Variants in PDE10A observed in about 807,000 individuals in gnomAD.
PDE10A encodes the protein phosphodiesterase 10A, also known as cAMP and cAMP-inhibited cGMP 3',5'-cyclic phosphodiesterase 10A.
In PDE10A, 39 loss-of-function variants were observed where a neutral mutation model predicts 97.7. The ratio of observed to expected loss-of-function variants is 0.40; its 90% CI spans 0.31 to 0.52. PDE10A has a LOEUF of 0.52. PDE10A is among the 20% of genes least tolerant of loss of function. The pLI, the probability that PDE10A is intolerant of heterozygous loss-of-function variation, is 0.56. For synonymous variants in PDE10A, 371 were observed against 376.8 expected (o/e 0.98, Z 0.18); for missense variants, 731 against 1,047.8 (o/e 0.70, Z 4.17).
At chr6:165,393,491 CT>C (rs1315602966) in intron 15 of PDE10A, among the ~76,000 whole-genome samples, 1 of 151,542 alleles carries the variant, frequency 6.6e-6, no homozygotes, top group African/African-American at 2.4e-5. Flanking sequence ...TAAAACAAGG[CT>C]TTCTAAAATA....
At chr6:165,629,832 C>G (rs768441418) in intron 1 of PDE10A, among the ~76,000 whole-genome samples, 15 of 152,192 alleles carry the variant, frequency 9.9e-5, no homozygotes, top group Non-Finnish European at 8.8e-5. Context: ...CCACACGCAG[C>G]CTTAAAAACT....
intron 1 of PDE10A, among the ~76,000 whole-genome samples, chr6:165,638,184 C>A (rs1287486799): frequency 1.3e-5 from 2 of 152,146 alleles, no homozygotes. Context: ...ACCACCCTCC[C>A]CCCACCAAAA....
chr6:165,642,908 A>AT (rs57377717), intron 1 of PDE10A, among the ~76,000 whole-genome samples: 100 of 148,442 alleles, frequency 6.7e-4, no homozygotes, highest in South Asian at 1.3e-3. Context: ...ATGTTCTCAC[A>AT]TTTTTTTTTT....
At chr6:165,446,519 A>C (rs988911602) in intron 5 of PDE10A, among the ~76,000 whole-genome samples, 1 of 152,230 alleles carries the variant, frequency 6.6e-6, no homozygotes, top group East Asian at 1.9e-4. Flanking sequence ...TAGAGTGAGC[A>C]AAACACAGTA....
At chr6:165,669,168 T>G (rs1790578501) in intron 1 of PDE10A, among the ~76,000 whole-genome samples, 1 of 152,196 alleles carries the variant, frequency 6.6e-6, no homozygotes, top group African/African-American at 2.4e-5. Flanking sequence ...TGAACCCTTA[T>G]GAGGAAAATA....
intron 1 of PDE10A, among the ~76,000 whole-genome samples, chr6:165,877,458 A>C (rs1388580948): frequency 2.0e-5 from 3 of 152,236 alleles, no homozygotes; most frequent in Non-Finnish European, 4.4e-5. Context: ...TCTATAGGTC[A>C]GCCTGCCCCA....
At chr6:165,520,485 G>A (rs1254582853) in intron 2 of PDE10A, among the ~76,000 whole-genome samples, 5 of 152,056 alleles carry the variant, frequency 3.3e-5, no homozygotes, top group Non-Finnish European at 7.3e-5. Context: ...GTATGATGAA[G>A]GAGAGGGATG....
At chr6:165,406,396 T>A (rs1787172187) in intron 13 of PDE10A, among the ~76,000 whole-genome samples, 1 of 152,164 alleles carries the variant, frequency 6.6e-6, no homozygotes, top group Admixed American at 6.5e-5. Context: ...ACAATACTCT[T>A]AAGGCAATAG....
At chr6:165,674,319 C>T (rs1268580622) in intron 1 of PDE10A, among the ~76,000 whole-genome samples, 2 of 136,170 alleles carry the variant, frequency 1.5e-5, no homozygotes, top group East Asian at 5.0e-4. Flanking sequence ...AGCAGGCACT[C>T]AGCAGGAAAA....
intron 3 of PDE10A, among the ~76,000 whole-genome samples, chr6:165,459,489 TTAGATAGATAGATAGATAGA>T (rs147229263): frequency 0.011 from 1,648 of 146,930 alleles, 22 homozygotes; most frequent in African/African-American, 0.038. Flanking sequence ...TTCTAATGCA[TTAGATAGATAGATAGATAGA>T]TAGATAGATA....
chr6:165,369,676 T>C (rs1259225816), intron 18 of PDE10A, among the ~76,000 whole-genome samples: 3 of 139,706 alleles, frequency 2.1e-5, no homozygotes, highest in East Asian at 2.0e-4. Context: ...CCAGGAGAAC[T>C]TCCCCAACCT....
intron 1 of PDE10A, among the ~76,000 whole-genome samples, chr6:165,550,638 A>G (rs564541821): frequency 3.9e-5 from 6 of 152,326 alleles, no homozygotes; most frequent in African/African-American, 1.2e-4. Context: ...ACAGGTTAAG[A>G]TATTTTTGGT....
At chr6:165,887,961 C>T (rs1026127503) in intron 1 of PDE10A, among the ~76,000 whole-genome samples, 3 of 152,178 alleles carry the variant, frequency 2.0e-5, no homozygotes, top group Non-Finnish European at 4.4e-5. Flanking sequence ...GCATCTCTTA[C>T]CTCACCCTGT....
intron 2 of PDE10A, among the ~76,000 whole-genome samples, chr6:165,501,430 G>A (rs537994270): frequency 5.0e-4 from 76 of 152,180 alleles, no homozygotes; most frequent in East Asian, 3.9e-4. Flanking sequence ...GCGTGGTGGC[G>A]GGCGCCTGTA....
rs1791367524 is a variant in PDE10A at position 165,693,645 on chromosome 6, C to G, written c.-614-150077G>C. On this transcript the variant is annotated intron_variant, in intron 1 of 19. Transcript: ENST00000366882. ...TGCTTTCTACACTATTATTTTAAAA[C>G]CTACAACTATTGTTTAAGAGCTGTT... is the stretch of plus-strand genomic sequence containing the variant. 2.0e-5 allele frequency among the ~76,000 whole-genome samples: 3 copies of G among 150,818 alleles called. No individual in the cohort carries two copies. The South Asian group carries it at 6.3e-4, about 32-fold the overall frequency.
intron 1 of PDE10A, among the ~76,000 whole-genome samples, chr6:165,762,273 G>T (rs1214393189): frequency 6.6e-6 from 1 of 152,180 alleles, no homozygotes; most frequent in Admixed American, 6.5e-5. Context: ...ATTTGAGACT[G>T]ATCTCCCATC....
At chr6:165,823,218 TTC>T (rs995784928) in intron 1 of PDE10A, among the ~76,000 whole-genome samples, 2 of 151,570 alleles carry the variant, frequency 1.3e-5, no homozygotes, top group African/African-American at 4.8e-5. Flanking sequence ...ACAAAATATT[TTC>T]TTTCTTTGTA....
chr6:165,559,232 T>C (rs966297941), intron 1 of PDE10A, among the ~76,000 whole-genome samples: 16 of 152,156 alleles, frequency 1.1e-4, no homozygotes, highest in African/African-American at 3.1e-4. Flanking sequence ...TAGTTGCCCA[T>C]AGGACGGCTA....
intron 1 of PDE10A, among the ~76,000 whole-genome samples, chr6:165,717,329 G>A (rs937837073): frequency 2.6e-5 from 4 of 152,136 alleles, no homozygotes; most frequent in African/African-American, 9.7e-5. Context: ...AGTGGCTCAC[G>A]CCTCTAATCC....
Sources: allele counts gnomAD v4.1 joint callset (sites outside exome capture counted in the v4.1 genomes callset), GRCh38; gene constraint gnomAD v4.1.1; transcripts MANE v1.5; gene names NCBI Gene and HGNC (gene_info 2026-07-23, HGNC 2026-07-21).